Variants in ZNF804B observed in about 807,000 individuals in gnomAD.
ZNF804B encodes the protein zinc finger 804B.
Under a neutral mutation model 101.4 loss-of-function variants are expected in ZNF804B, and 80 were observed. That is an observed-to-expected ratio of 0.79 (90% confidence interval 0.66 to 0.95). The LOEUF (loss-of-function observed/expected upper bound fraction) is 0.95. Among genes scored for constraint, ZNF804B ranks in the 40% least tolerant of loss-of-function variants. ZNF804B has a pLI of 0.00. For synonymous variants in ZNF804B, 622 were observed against 558.8 expected (o/e 1.11, Z -1.59); for missense variants, 1,673 against 1,561.9 (o/e 1.07, Z -1.20).
At chr7:89,286,069 C>T (rs1303310826) in intron 2 of ZNF804B, among the ~76,000 whole-genome samples, 1 of 152,180 alleles carries the variant, frequency 6.6e-6, no homozygotes, top group Non-Finnish European at 1.5e-5. Context: ...TAAGAGACTA[C>T]ATTTCTAAAG....
At chr7:89,002,805 G>GA (rs1442501428) in intron 1 of ZNF804B, among the ~76,000 whole-genome samples, 1 of 151,806 alleles carries the variant, frequency 6.6e-6, no homozygotes, top group Admixed American at 6.6e-5. Flanking sequence ...TATGTTAATG[G>GA]AAAAAATGTT....
At chr7:88,862,828 C>T (rs1232894039) in intron 1 of ZNF804B, among the ~76,000 whole-genome samples, 2 of 152,070 alleles carry the variant, frequency 1.3e-5, no homozygotes, top group East Asian at 3.9e-4. Context: ...ACTAATTATA[C>T]TATTCACTAT....
At chr7:88,834,780 T>A (rs1030368439) in intron 1 of ZNF804B, among the ~76,000 whole-genome samples, 2 of 151,728 alleles carry the variant, frequency 1.3e-5, no homozygotes, top group African/African-American at 4.8e-5. Flanking sequence ...CGCCATTCAA[T>A]CTCCTTGTTC....
chr7:88,781,955 A>G (rs560582888), intron 1 of ZNF804B, among the ~76,000 whole-genome samples: 1 of 152,296 alleles, frequency 6.6e-6, no homozygotes, highest in African/African-American at 2.4e-5. Context: ...GGGAAAGGAA[A>G]TTGGGAGCTG....
rs542714096 is a variant in ZNF804B, at chr7:89,054,383, GA to G, written c.109-163764del. Among the ~76,000 whole-genome samples, 42 of 149,644 alleles carry G rather than the reference GA, an allele frequency of 2.8e-4. 1 individual carries two copies. Among genetic ancestry groups the G allele is most frequent in the South Asian group, 2.1e-4 (1 of 4,750 alleles). On this transcript the variant is annotated intron_variant, in intron 1 of 3. Coordinates refer to ENST00000333190, the MANE Select transcript of ZNF804B (RefSeq NM_181646.5). ...ATATGAATAAAACACTTTCTGGAGAGAAAAAAAACAGACATCAGAGTCGTGC... is the reference window on the plus strand; with the variant it reads ...ATATGAATAAAACACTTTCTGGAGAGAAAAAAACAGACATCAGAGTCGTGC...
At chr7:89,315,415 T>C (rs375561364) in intron 2 of ZNF804B, among the ~76,000 whole-genome samples, 1 of 152,172 alleles carries the variant, frequency 6.6e-6, no homozygotes, top group Non-Finnish European at 1.5e-5. Context: ...AGTTTATAAA[T>C]GATTATCTAT....
intron 1 of ZNF804B, among the ~76,000 whole-genome samples, chr7:89,147,083 G>GTATATATATATA (rs147620052): frequency 0.016 from 2,197 of 140,038 alleles, 25 homozygotes; most frequent in South Asian, 0.048. Flanking sequence ...GGATAATCAG[G>GTATATATATATA]TATATATATA....
intron 1 of ZNF804B, among the ~76,000 whole-genome samples, chr7:88,978,871 C>T (rs886291341): frequency 7.6e-6 from 1 of 132,146 alleles, no homozygotes; most frequent in African/African-American, 2.8e-5. Flanking sequence ...TCCCATCTTT[C>T]TTTTTGTGAA....
chr7:89,178,480 A>G (rs1788239247), intron 1 of ZNF804B, among the ~76,000 whole-genome samples: 1 of 152,146 alleles, frequency 6.6e-6, no homozygotes, highest in African/African-American at 2.4e-5. Context: ...CTTATAACCC[A>G]TCATTTTAAA....
At chr7:88,886,517 G>T (rs993959902) in intron 1 of ZNF804B, among the ~76,000 whole-genome samples, 8 of 152,086 alleles carry the variant, frequency 5.3e-5, no homozygotes, top group African/African-American at 1.9e-4. Flanking sequence ...AGAGCAAAAG[G>T]TTGACTTGAA....
intron 1 of ZNF804B, among the ~76,000 whole-genome samples, chr7:88,984,351 G>A (rs1314947587): frequency 6.6e-6 from 1 of 152,064 alleles, no homozygotes; most frequent in Admixed American, 6.6e-5. Flanking sequence ...TTTAAGGATG[G>A]TGTAATCAAG....
intron 1 of ZNF804B, among the ~76,000 whole-genome samples, chr7:89,187,438 G>A (rs926170916): frequency 3.3e-5 from 5 of 152,066 alleles, no homozygotes; most frequent in African/African-American, 1.2e-4. Context: ...AAACCATGCA[G>A]AAAACCAAAA....
intron 2 of ZNF804B, among the ~76,000 whole-genome samples, chr7:89,223,795 G>A (rs1024900294): frequency 6.6e-5 from 10 of 151,678 alleles, no homozygotes; most frequent in Non-Finnish European, 1.2e-4. Context: ...TGAATTTCTA[G>A]CTTTGACAAG....
chr7:89,224,746 GTGTGTA>G (rs1463185961), intron 2 of ZNF804B, among the ~76,000 whole-genome samples: 2 of 88,182 alleles, frequency 2.3e-5, no homozygotes, highest in East Asian at 4.5e-4. Context: ...GTGTGTGTGT[GTGTGTA>G]TGAGTGTGTG....
chr7:89,064,616 C>G (rs1174200655), intron 1 of ZNF804B, among the ~76,000 whole-genome samples: 2 of 152,108 alleles, frequency 1.3e-5, no homozygotes, highest in Non-Finnish European at 2.9e-5. Context: ...GATCCTTTCC[C>G]CCTTTTTAAG....
At chr7:89,326,956 T>C (rs776525645) in intron 2 of ZNF804B, among the ~76,000 whole-genome samples, 3 of 152,062 alleles carry the variant, frequency 2.0e-5, no homozygotes, top group Non-Finnish European at 2.9e-5. Flanking sequence ...AGCATCACTT[T>C]TACAAGTGAG....
At chr7:88,882,723 ACCATAAGT>A (rs998779689) in intron 1 of ZNF804B, among the ~76,000 whole-genome samples, 1 of 152,172 alleles carries the variant, frequency 6.6e-6, no homozygotes, top group Non-Finnish European at 1.5e-5. Flanking sequence ...GTGCAGCTAG[ACCATAAGT>A]CTAAGTGAAT....
intron 1 of ZNF804B, among the ~76,000 whole-genome samples, chr7:88,839,030 A>G (rs1383926083): frequency 6.6e-6 from 1 of 152,044 alleles, no homozygotes; most frequent in Non-Finnish European, 1.5e-5. Context: ...TCCATCTTCA[A>G]TGCCTGATAA....
intron 1 of ZNF804B, among the ~76,000 whole-genome samples, chr7:88,824,163 A>T (rs964120135): frequency 1.3e-5 from 2 of 152,194 alleles, no homozygotes; most frequent in African/African-American, 4.8e-5. Context: ...GGGAGTGCTA[A>T]GCATTTGGTA....
Sources: gnomAD v4.1 joint callset for allele counts (sites outside exome capture counted in the v4.1 genomes callset) on GRCh38, gnomAD v4.1.1 for gene constraint, MANE v1.5 for transcripts, NCBI Gene and HGNC (gene_info 2026-07-23, HGNC 2026-07-21) for gene names.